The following STAM2 variants were observed in gnomAD, a reference collection of about 807,000 sequenced individuals.
The protein encoded by STAM2 is signal transducing adaptor molecule 2.
A neutral mutation model predicts 65.6 loss-of-function variants in STAM2; 51 were observed. The observed-to-expected ratio is 0.78, with a 90% CI of 0.62 to 0.98. The LOEUF is 0.98. Among genes scored for constraint, STAM2 ranks in the 50% least tolerant of loss-of-function variants. STAM2 has a pLI of 0.00. For synonymous variants in STAM2, 198 were observed against 208.4 expected, an observed-to-expected ratio of 0.95 and a Z score of 0.43; for missense variants, 584 against 617.8, an observed-to-expected ratio of 0.95 and a Z score of 0.58.
Position 152,148,123 on chromosome 2 carries a change from C to G in STAM2, c.202-1G>C. The stretch of plus-strand genomic sequence containing the variant: ...AGTTTGCCACACAAGCCCCAAGAAG[C>G]TATTAATTGAAATAAAAATATATGA... On this transcript the variant is annotated splice_acceptor_variant, in intron 3 of 13. Coordinates refer to ENST00000263904, the MANE Select transcript of STAM2 (RefSeq NM_005843.6). LOFTEE classifies it high-confidence loss of function. 6.2e-7 allele frequency: 1 copy of G among 1,600,852 alleles called. No individual in the cohort carries two copies. The highest frequency in any genetic ancestry group is 8.5e-7 in the Non-Finnish European group (1 of 1,174,878).
In STAM2 at chr2:152,175,760, A is replaced by G; in HGVS notation, c.-118T>C. The G allele has an allele frequency of 3.8e-6, 4 of 1,065,178 alleles. No homozygotes were observed. The highest frequency in any genetic ancestry group is 5.6e-6 in the Non-Finnish European group (4 of 719,346). The allele number at this position is 1,065,178 out of a possible 1,614,324, so 66.0% of individuals were successfully genotyped here. A position where few individuals can be genotyped will look rare whatever the true frequency, so the allele number is the denominator to read the frequency against. On this transcript the variant is annotated 5_prime_UTR_variant, in exon 1 of 14. Transcript: ENST00000263904. Reference sequence around the variant, plus strand: ...GCTCCGCTTCGGCCTCCGTCCCTGCACTTCCGCCACCGCACCTGCCCGGCT... The same window carrying G: ...GCTCCGCTTCGGCCTCCGTCCCTGCGCTTCCGCCACCGCACCTGCCCGGCT...
At chr2:152,129,677 T>G (rs139311520) in intron 11 of STAM2, among the ~76,000 whole-genome samples, 1 of 152,084 alleles carries the variant, frequency 6.6e-6, no homozygotes, top group Admixed American at 6.6e-5. Context: ...CAACTTCAAA[T>G]TGAAAATACA....
chr2:152,145,357 C>T (rs551891253), intron 5 of STAM2, among the ~76,000 whole-genome samples: 1 of 152,284 alleles, frequency 6.6e-6, no homozygotes, highest in South Asian at 2.1e-4. Flanking sequence ...GCATGAGCCA[C>T]CATCACTGGT....
rs996473362 is a variant in STAM2 at position 152,119,902 on chromosome 2, T to C, written c.*672A>G. ...AACATTTTTGTTCCTTCCAGATTGC[T>C]CTTGCTTCTGTAGACAATTATATGC... On this transcript the variant is annotated 3_prime_UTR_variant, in exon 14 of 14. Transcript: ENST00000263904. 1 of 152,548 alleles carries C rather than the reference T, an allele frequency of 6.6e-6. No homozygotes were observed. The highest frequency in any genetic ancestry group is 2.4e-5 in the African/African-American group (1 of 41,466). 9.4% of individuals were successfully genotyped at this position (152,548 alleles called of 1,614,324 possible). A position where few individuals can be genotyped will look rare whatever the true frequency, so the allele number is the denominator to read the frequency against.
chr2:152,139,651 A>C (rs894429338), intron 7 of STAM2, among the ~76,000 whole-genome samples: 8 of 152,208 alleles, frequency 5.3e-5, no homozygotes, highest in Non-Finnish European at 7.3e-5. Context: ...CTTTACCTTC[A>C]GAATTTTTCT....
intron 7 of STAM2, among the ~76,000 whole-genome samples, chr2:152,143,503 T>C (rs189893603): frequency 6.6e-6 from 1 of 152,312 alleles, no homozygotes. Flanking sequence ...AAAGTTTTTC[T>C]GCCAATAATT....
chr2:152,126,496 A>G (rs375749442), intron 11 of STAM2, 117 bp from the exon 12 acceptor site: 2 of 576,374 alleles, frequency 3.5e-6, no homozygotes, highest in Non-Finnish European at 2.6e-6. Context: ...GCTTTTTTAT[A>G]TTTAATGAAA....
intron 1 of STAM2, among the ~76,000 whole-genome samples, chr2:152,170,238 T>C (rs914926704): frequency 8.6e-5 from 13 of 151,464 alleles, no homozygotes; most frequent in African/African-American, 2.9e-4. Context: ...TCCCAGCACT[T>C]TGGGAGGCCA....
At chr2:152,157,041 G>A (rs1459123285) in intron 1 of STAM2, among the ~76,000 whole-genome samples, 13 of 152,206 alleles carry the variant, frequency 8.5e-5, no homozygotes, top group African/African-American at 2.6e-4. Flanking sequence ...TGAGCCTCAC[G>A]ATGGCCTCAG....
chr2:152,119,232 G>C lies in STAM2; in HGVS notation c.*1342C>G, dbSNP rs1256859813. On this transcript the variant is annotated 3_prime_UTR_variant, in exon 14 of 14. Transcript: ENST00000263904. ...TAAAAAGTTGGTAGACAATGAAGTA[G>C]TGTGCAAATTTTTAGGAGAGAAAAC... The C allele has an allele frequency of 6.6e-6, 1 of 152,142 alleles. No homozygotes were observed. The highest frequency in any genetic ancestry group is 2.1e-4 in the South Asian group (1 of 4,828). The allele number at this position is 152,142 out of a possible 1,614,324, so 9.4% of individuals were successfully genotyped here.
chr2:152,147,387 A>G (rs1689354780), intron 4 of STAM2, 79 bp from the exon 5 acceptor site: 4 of 1,308,374 alleles, frequency 3.1e-6, no homozygotes, highest in Middle Eastern at 2.2e-4. Context: ...AAGGAGAATT[A>G]CCATCAAAAT....
chr2:152,173,294 T>C (rs995923663), intron 1 of STAM2, among the ~76,000 whole-genome samples: 15 of 150,552 alleles, frequency 1.0e-4, no homozygotes, highest in Admixed American at 4.7e-4. Context: ...TAACATTTCC[T>C]GTAGACATCT....
chr2:152,127,612 C>G (rs999042767), intron 11 of STAM2, among the ~76,000 whole-genome samples: 21 of 150,874 alleles, frequency 1.4e-4, no homozygotes, highest in African/African-American at 4.9e-4. Context: ...AAAAAAAAAC[C>G]TACTTAAATA....
At chr2:152,158,185 T>C (rs188685179) in intron 1 of STAM2, among the ~76,000 whole-genome samples, 1 of 152,246 alleles carries the variant, frequency 6.6e-6, no homozygotes, top group East Asian at 1.9e-4. Context: ...ATTTAAAAAG[T>C]CATTAAATGG....
At chr2:152,132,953 G>C (rs1438538517) in intron 10 of STAM2, among the ~76,000 whole-genome samples, 2 of 151,844 alleles carry the variant, frequency 1.3e-5, no homozygotes, top group Non-Finnish European at 2.9e-5. Context: ...AATTTTACTA[G>C]TGGGCTTAAA....
At position 152,120,276 on chromosome 2, in the gene STAM2, A is replaced by C; in HGVS notation, c.*298T>G. 2.8e-6 allele frequency: 1 copy of C among 360,560 alleles called. No individual in the cohort carries two copies. The highest frequency in any genetic ancestry group is 5.1e-6 in the Non-Finnish European group (1 of 195,536). 22.3% of individuals were successfully genotyped at this position (360,560 alleles called of 1,614,324 possible). On this transcript the variant is annotated 3_prime_UTR_variant, in exon 14 of 14. Transcript: ENST00000263904. The stretch of plus-strand genomic sequence containing the variant: ...TCATAAGTATCTCATACTGTTTGTC[A>C]TAAGGCTACTTAATGAGTATCTAGA...
intron 1 of STAM2, among the ~76,000 whole-genome samples, chr2:152,158,168 T>C (rs924089682): frequency 6.6e-6 from 1 of 152,180 alleles, no homozygotes; most frequent in East Asian, 1.9e-4. Context: ...AAAAGTACAA[T>C]ATCTCAATTT....
chr2:152,166,818 G>C (rs1689796019), intron 1 of STAM2, among the ~76,000 whole-genome samples: 1 of 152,104 alleles, frequency 6.6e-6, no homozygotes, highest in Admixed American at 6.5e-5. Flanking sequence ...CATGACAAAT[G>C]AAAGTAAAAG....
At chr2:152,167,863 T>C (rs1246940716) in intron 1 of STAM2, among the ~76,000 whole-genome samples, 2 of 152,044 alleles carry the variant, frequency 1.3e-5, no homozygotes, top group Non-Finnish European at 2.9e-5. Context: ...TGAGCTGAGA[T>C]TGTACCACTG....
Sources: allele counts gnomAD v4.1 joint callset (sites outside exome capture counted in the v4.1 genomes callset), GRCh38; gene constraint gnomAD v4.1.1; transcripts MANE v1.5; gene names NCBI Gene and HGNC (gene_info 2026-07-23, HGNC 2026-07-21).